Variants in DDX52 observed in about 807,000 individuals in gnomAD.
The protein encoded by DDX52 is DExD-box helicase 52, also known as probable ATP-dependent RNA helicase DDX52.
In DDX52, 59 loss-of-function variants were observed where a neutral mutation model predicts 76.1. The observed-to-expected ratio is 0.78, with a 90% CI of 0.63 to 0.96. DDX52 has a LOEUF of 0.96. Among genes scored for constraint, DDX52 ranks in the 40% least tolerant of loss-of-function variants. DDX52 has a pLI of 0.00. For missense variants in DDX52, 707 were observed against 703.9 expected (o/e 1.00, Z -0.05); for synonymous variants, 231 against 244.1 (o/e 0.95, Z 0.50).
chr17:37,627,853 G>T (rs578243334), intron 6 of DDX52, among the ~76,000 whole-genome samples: 4 of 152,038 alleles, frequency 2.6e-5, no homozygotes, highest in African/African-American at 9.6e-5. Flanking sequence ...TGGCAGCCTT[G>T]AACTCCTGCG....
At chr17:37,631,611 T>A (rs2030684680) in intron 4 of DDX52, 1 of 156,600 alleles carries the variant, frequency 6.4e-6, no homozygotes, top group South Asian at 1.9e-4. Context: ...ATGCATTTTA[T>A]TGTATGTAAA....
At chr17:37,635,365 T>G (rs530700725) in intron 2 of DDX52, among the ~76,000 whole-genome samples, 20 of 152,354 alleles carry the variant, frequency 1.3e-4, no homozygotes, top group African/African-American at 4.6e-4. Flanking sequence ...TCATGACACC[T>G]TATAATCCAT....
At chr17:37,643,237 G>A (rs983447828) in intron 1 of DDX52, 97 bp downstream of exon 1, 2 of 1,316,040 alleles carry the variant, frequency 1.5e-6, no homozygotes, top group African/African-American at 2.9e-5. Context: ...GCCAGGCCAC[G>A]GGTGTCCAAG....
intron 13 of DDX52, among the ~76,000 whole-genome samples, chr17:37,619,298 A>T (rs981029093): frequency 2.0e-5 from 3 of 152,190 alleles, no homozygotes; most frequent in African/African-American, 7.2e-5. Flanking sequence ...AGAACTGCTT[A>T]AACCTGGGAG....
intron 2 of DDX52, among the ~76,000 whole-genome samples, chr17:37,637,265 G>A (rs114210789): frequency 0.015 from 2,303 of 152,160 alleles, 61 homozygotes; most frequent in African/African-American, 0.05. Context: ...CCAGGTAGGT[G>A]AGATTACAGG....
intron 2 of DDX52, chr17:37,635,742 AT>A: frequency 5.1e-6 from 2 of 394,064 alleles, no homozygotes; most frequent in South Asian, 3.8e-5. Flanking sequence ...GCTGGGTAAT[AT>A]GGTAAATATA....
At position 37,620,270 on chromosome 17, in the gene DDX52, T is replaced by G. The variant is rs908784450; in HGVS notation, c.1578-431A>C. The G allele has an allele frequency of 2.4e-5, 4 of 168,150 alleles. No individual in the cohort carries two copies. In the South Asian group the frequency reaches 6.4e-4, roughly 27 times the overall value. 10.4% of individuals were successfully genotyped at this position (168,150 alleles called of 1,614,324 possible). On this transcript the variant is annotated intron_variant, in intron 12 of 14. Coordinates refer to ENST00000617633, the MANE Select transcript of DDX52 (RefSeq NM_007010.5). Reference sequence around the variant, plus strand: ...ACTATCACTGTCCTCATTTCACAGATGGAAAACTGAGGTGCATAGTTTTAC... The same window carrying G: ...ACTATCACTGTCCTCATTTCACAGAGGGAAAACTGAGGTGCATAGTTTTAC...
chr17:37,630,212 A>G (rs769550747), intron 4 of DDX52, 39 bp from the exon 5 acceptor site: 13 of 1,514,474 alleles, frequency 8.6e-6, no homozygotes, highest in Non-Finnish European at 1.1e-5. Context: ...CAAAGAAAGT[A>G]CATAAATTTT....
At chr17:37,626,702 A>G (rs771202450) in intron 7 of DDX52, 86 bp downstream of exon 7, 1 of 1,389,550 alleles carries the variant, frequency 7.2e-7, no homozygotes, top group South Asian at 1.2e-5. Flanking sequence ...GCAAGCTCCA[A>G]AGACAAAAAA....
Position 37,621,442 on chromosome 17 carries a change from C to G in DDX52, c.1306G>C (p.Gly436Arg). The change falls in exon 10 of 15, where the codon GGT (glycine) becomes CGT (arginine). Residue 436 changes from glycine to arginine, a missense_variant. By Grantham distance (125) the Gly-to-Arg change is moderately radical. Coordinates refer to ENST00000617633, the MANE Select transcript of DDX52 (RefSeq NM_007010.5). ...GCATGAATAACATCCACATTAATAC[C>G]TTCATATATGAGCTCATGAAAAAGT... ...KELFHELIYE[G>R]INVDVIHAER... The G allele has an allele frequency of 1.2e-6, 2 of 1,613,694 alleles. No homozygotes were observed. Among genetic ancestry groups the G allele is most frequent in the Non-Finnish European group, 1.7e-6 (2 of 1,179,882 alleles).
Position 37,613,261 on chromosome 17 carries a change from C to T in DDX52, c.*1035G>A, listed in dbSNP as rs1406420546. 6.6e-6 allele frequency: 1 copy of T among 152,142 alleles called. No individual in the cohort carries two copies. Among genetic ancestry groups the T allele is most frequent in the Non-Finnish European group, 1.5e-5 (1 of 68,024 alleles). 9.4% of individuals were successfully genotyped at this position (152,142 alleles called of 1,614,324 possible). ...TGAGAAAAATCTAATAGCTAATAGT[C>T]TCCAACACCATATGATCATAATCCT... is the stretch of plus-strand genomic sequence containing the variant. On this transcript the variant is annotated 3_prime_UTR_variant, in exon 15 of 15. Transcript: ENST00000617633.
At chr17:37,618,550 C>T (rs202087587) in intron 13 of DDX52, among the ~76,000 whole-genome samples, 166 bp from the exon 14 acceptor site, 6 of 151,992 alleles carry the variant, frequency 3.9e-5, no homozygotes, top group Admixed American at 2.0e-4. Context: ...GGCACAATCT[C>T]GGCTCACTGC....
In DDX52 at chr17:37,624,369, A is replaced by C. The variant is rs762674666; in HGVS notation, c.1202T>G (p.Leu401Arg). 2.1e-5 allele frequency: 33 copies of C among 1,609,128 alleles called. No individual in the cohort carries two copies. Among genetic ancestry groups the C allele is most frequent in the Non-Finnish European group, 2.7e-5 (32 of 1,176,914 alleles). The stretch of plus-strand genomic sequence containing the variant: ...CTTTTTAACAAGTTCTCTCACGGCC[A>C]GAAGTTTTCCGGTCTCAGATCCAAC... ...LFVGSETGKLLAVRELVKKGF... is the reference protein window; with the variant it reads ...LFVGSETGKLRAVRELVKKGF... Residue 401 changes from leucine to arginine, a missense_variant, in exon 9 of 15, where the codon CTG becomes CGG. By Grantham distance (102) the Leu-to-Arg change is moderately radical. Transcript: ENST00000617633.
intron 1 of DDX52, chr17:37,642,616 C>A: frequency 3.2e-6 from 1 of 316,138 alleles, no homozygotes; most frequent in Non-Finnish European, 5.7e-6. Flanking sequence ...AATGAGAAAA[C>A]CAAGGCATTC....
At chr17:37,631,774 G>T in intron 4 of DDX52, 1 of 285,742 alleles carries the variant, frequency 3.5e-6, no homozygotes. Context: ...TTCTCCAAGG[G>T]GTTACACACT....
rs2064325486 is a variant in DDX52 at position 37,610,726 on chromosome 17, T to C, written c.*3570A>G. The C allele has an allele frequency of 6.6e-6, 1 of 152,228 alleles. No homozygotes were observed. The highest frequency in any genetic ancestry group is 2.1e-4 in the South Asian group (1 of 4,838). 9.4% of individuals were successfully genotyped at this position (152,228 alleles called of 1,614,324 possible). On this transcript the variant is annotated 3_prime_UTR_variant, in exon 15 of 15. Transcript: ENST00000617633. ...CAGTTACTGTCATTTGTCCAGATCA[T>C]ACAGCTACAAGCAATGAGGATCAGG...
chr17:37,619,416 C>T (rs1361660210), intron 13 of DDX52, among the ~76,000 whole-genome samples: 2 of 152,086 alleles, frequency 1.3e-5, no homozygotes, highest in East Asian at 1.9e-4. Flanking sequence ...CAGTTTTGGA[C>T]TGGGCACAGT....
At chr17:37,635,178 C>G (rs1476714477) in intron 2 of DDX52, among the ~76,000 whole-genome samples, 1 of 152,172 alleles carries the variant, frequency 6.6e-6, no homozygotes, top group Non-Finnish European at 1.5e-5. Flanking sequence ...TAAATTAGTT[C>G]TAAAACTAGC....
At chr17:37,619,948 C>G in intron 12 of DDX52, 109 bp from the exon 13 acceptor site, 1 of 1,030,926 alleles carries the variant, frequency 9.7e-7, no homozygotes. Context: ...CAAAGTAATC[C>G]ACAAAGTGTT....
Sources: allele counts gnomAD v4.1 joint callset (sites outside exome capture counted in the v4.1 genomes callset), GRCh38; gene constraint gnomAD v4.1.1; transcripts MANE v1.5; gene names NCBI Gene and HGNC (gene_info 2026-07-23, HGNC 2026-07-21).